Variants in CYP51A1 observed in about 807,000 individuals in gnomAD.
The protein encoded by CYP51A1 is cytochrome P450 family 51 subfamily A member 1, also known as lanosterol 14-alpha demethylase.
CYP51A1 carries 45 observed loss-of-function variants against 53.5 expected under a neutral mutation model. That is an observed-to-expected ratio of 0.84 (90% CI 0.66 to 1.08). CYP51A1 has a LOEUF of 1.08. CYP51A1 is among the 50% of genes least tolerant of loss of function. CYP51A1 has a pLI of 0.00. For missense variants in CYP51A1, 462 were observed against 621.7 expected, an observed-to-expected ratio of 0.74 and a Z score of 2.73; for synonymous variants, 181 against 217.7, an observed-to-expected ratio of 0.83 and a Z score of 1.48.
intron 3 of CYP51A1, 100 bp from the exon 4 acceptor site, chr7:92,127,731 T>C: frequency 8.3e-7 from 1 of 1,199,992 alleles, no homozygotes; most frequent in Non-Finnish European, 1.2e-6. Flanking sequence ...CTAACACAAG[T>C]AATGGTTTTA....
At chr7:92,134,628 C>G, upstream of CYP51A1, 2 of 460,478 alleles carry the variant, frequency 4.3e-6, no homozygotes, top group Non-Finnish European at 7.7e-6. Context: ...GCGGGCTGCG[C>G]CTGTGGCACA....
In CYP51A1 at chr7:92,113,474, A is replaced by G. The variant is rs1173644712; in HGVS notation, c.*191T>C. 1.8e-6 allele frequency: 1 copy of G among 547,084 alleles called. No homozygotes were observed. Among genetic ancestry groups the G allele is most frequent in the Admixed American group, 3.9e-5 (1 of 25,788 alleles). 33.9% of individuals were successfully genotyped at this position (547,084 alleles called of 1,614,324 possible). A position where few individuals can be genotyped will look rare whatever the true frequency, so the allele number is the denominator to read the frequency against. On this transcript the variant is annotated 3_prime_UTR_variant, in exon 10 of 10. Transcript: ENST00000003100. ...CATGTATAAGTATCATAACTATTAG[A>G]AAATGTTTCAAATGCTATTATATTT...
intron 7 of CYP51A1, among the ~76,000 whole-genome samples, chr7:92,120,291 A>G (rs903904471): frequency 6.6e-6 from 1 of 152,228 alleles, no homozygotes; most frequent in Admixed American, 6.5e-5. Flanking sequence ...TAAAGGGACT[A>G]GGAGTAGATA....
In CYP51A1 at chr7:92,113,838, G is replaced by T. The variant is rs1355666477; in HGVS notation, c.1357C>A (p.His453Asn). The T allele has an allele frequency of 6.3e-7, 1 of 1,581,338 alleles. No individual in the cohort carries two copies. The highest frequency in any genetic ancestry group is 8.6e-7 in the Non-Finnish European group (1 of 1,167,726). Residue 453 changes from histidine to asparagine, a missense_variant, in exon 10 of 10, where the codon CAT becomes AAT. By Grantham distance (68) the His-to-Asn change is moderately conservative. Coordinates refer to ENST00000003100, the MANE Select transcript of CYP51A1 (RefSeq NM_000786.4). ...FAYVPFGAGR[H>N]RCIGENFAYV... ...GCAAAATTTTCCCCAATACAACGATGACGCCCTAAAAAAAAGAAAAAGTTA... is the reference window on the plus strand; with the variant it reads ...GCAAAATTTTCCCCAATACAACGATTACGCCCTAAAAAAAAGAAAAAGTTA...
Position 92,123,746 on chromosome 7 carries a change from T to A in CYP51A1, c.878A>T (p.Asp293Val), listed in dbSNP as rs757985174. 1.2e-6 allele frequency: 2 copies of A among 1,607,404 alleles called. No individual in the cohort carries two copies. Among genetic ancestry groups the A allele is most frequent in the Non-Finnish European group, 1.7e-6 (2 of 1,177,894 alleles). Residue 293 changes from aspartate to valine, a missense_variant, in exon 6 of 10, where the codon GAT (aspartate) becomes GTT (valine). Coordinates refer to ENST00000003100, the MANE Select transcript of CYP51A1 (RefSeq NM_000786.4). The part of the protein sequence containing the change: ...KIDDILQTLL[D>V]ATYKDGRPLT... ...GAATAGCTCTTACTTGTATGTAGCATCTAGTAAAGTTTGGAGAATGTCATC... is the reference window on the plus strand; with the variant it reads ...GAATAGCTCTTACTTGTATGTAGCAACTAGTAAAGTTTGGAGAATGTCATC...
At position 92,128,968 on chromosome 7, in the gene CYP51A1, T is replaced by C; in HGVS notation, c.380A>G (p.Lys127Arg). The C allele has an allele frequency of 6.2e-7, 1 of 1,613,742 alleles. No homozygotes were observed. Among genetic ancestry groups the C allele is most frequent in the Non-Finnish European group, 8.5e-7 (1 of 1,179,914 alleles). ...SDAAALLFNS[K>R]NEDLNAEDVY... ...ATCTTCTGCATTCAGGTCTTCATTTTTACTATTAAAAAGCAGTGCAGCAGC... is the reference window on the plus strand; with the variant it reads ...ATCTTCTGCATTCAGGTCTTCATTTCTACTATTAAAAAGCAGTGCAGCAGC... The change falls in exon 3 of 10, where the codon AAA becomes AGA. Residue 127 changes from lysine to arginine, a missense_variant. Coordinates refer to ENST00000003100, the MANE Select transcript of CYP51A1 (RefSeq NM_000786.4).
Position 92,128,958 on chromosome 7 carries a change from G to A in CYP51A1, c.390C>T (p.Asp130=), listed in dbSNP as rs747490076. The A allele has an allele frequency of 3.7e-6, 6 of 1,613,106 alleles. No individual in the cohort carries two copies. In the African/African-American group the frequency reaches 8.0e-5, roughly 22 times the overall value. ...GACTGTAGACATCTTCTGCATTCAG[G>A]TCTTCATTTTTACTATTAAAAAGCA... ...AALLFNSKNE[D]LNAEDVYSRL... is the part of the protein sequence containing the mutation. Residue 130 remains aspartate (D), a synonymous_variant, in exon 3 of 10, where the codon GAC becomes GAT. Transcript: ENST00000003100.
intron 7 of CYP51A1, among the ~76,000 whole-genome samples, chr7:92,121,430 C>T (rs1819691806): frequency 6.6e-6 from 1 of 152,090 alleles, no homozygotes; most frequent in Non-Finnish European, 1.5e-5. Flanking sequence ...TCTGGCAGTT[C>T]TTCAAAGTTA....
At chr7:92,123,640 A>C (rs1026939641) in intron 6 of CYP51A1, 94 bp downstream of exon 6, 4 of 1,229,258 alleles carry the variant, frequency 3.3e-6, no homozygotes, top group Non-Finnish European at 4.5e-6. Flanking sequence ...TTATTTTGCC[A>C]GCATCACTGT....
Position 92,134,195 on chromosome 7 carries a change from A to T in CYP51A1, c.170T>A (p.Leu57Gln). The T allele has an allele frequency of 6.2e-7, 1 of 1,612,336 alleles. No homozygotes were observed. ...TACCACCCCTGCGGGCAGCTGGACC[A>T]GGTGGCCGGCGGCCAGACGGATCAG... ...VYLIRLAAGH[L>Q]VQLPAGVKSP... Residue 57 changes from leucine (L) to glutamine (Q), a missense_variant, in exon 1 of 10, where the codon CTG (leucine) becomes CAG (glutamine). Physicochemically the swap from Leu to Gln is moderately radical, Grantham distance 113. Coordinates refer to ENST00000003100, the MANE Select transcript of CYP51A1 (RefSeq NM_000786.4).
chr7:92,128,439 TGTGTGTGTGTGTGTGTGCGC>T lies in CYP51A1; in HGVS notation c.468+421_468+440del, dbSNP rs1819845923. Among the ~76,000 whole-genome samples the T allele has an allele frequency of 3.4e-5, 5 of 147,944 alleles. No individual in the cohort carries two copies. In the South Asian group the frequency reaches 1.1e-3, roughly 32 times the overall value. ...TGTTTGGTTGGTTTCTGTGTGTGTG[TGTGTGTGTGTGTGTGTGCGC>T]GTGCGTGTGTGTGTGTGTGTTTGGT... On this transcript the variant is annotated intron_variant, in intron 3 of 9. Transcript: ENST00000003100.
intron 7 of CYP51A1, among the ~76,000 whole-genome samples, chr7:92,120,661 AT>A (rs1360605517): frequency 1.3e-5 from 2 of 152,224 alleles, no homozygotes; most frequent in Non-Finnish European, 2.9e-5. Flanking sequence ...GGACAACTGG[AT>A]AAACACATGC....
rs1157146367 is a variant in CYP51A1, at chr7:92,127,562, T to C, written c.538A>G (p.Ile180Val). The C allele has an allele frequency of 4.3e-6, 7 of 1,611,536 alleles. No individual in the cohort carries two copies. Among genetic ancestry groups the C allele is most frequent in the Non-Finnish European group, 5.9e-6 (7 of 1,178,498 alleles). The change falls in exon 4 of 10, where the codon ATA becomes GTA. Residue 180 changes from isoleucine (I) to valine (V), a missense_variant. Ile to Val is a conservative substitution (Grantham distance 29). Coordinates refer to ENST00000003100, the MANE Select transcript of CYP51A1 (RefSeq NM_000786.4). The part of the protein sequence containing the change: ...NIAHFKQHVS[I>V]IEKETKEYFE... Reference sequence around the variant, plus strand: ...TATTCCTTTGTTTCTTTTTCAATTATAGAAACATGCTGTTTAAAGTGGGCT... The same window carrying C: ...TATTCCTTTGTTTCTTTTTCAATTACAGAAACATGCTGTTTAAAGTGGGCT...
At chr7:92,128,095 G>C (rs763836351) in intron 3 of CYP51A1, among the ~76,000 whole-genome samples, 2 of 152,228 alleles carry the variant, frequency 1.3e-5, no homozygotes, top group Non-Finnish European at 1.5e-5. Flanking sequence ...ACGTGAAGTT[G>C]TTGCATTAAA....
Position 92,134,456 on chromosome 7 carries a change from G to C in CYP51A1, c.-92C>G. The C allele has an allele frequency of 3.6e-6, 5 of 1,371,934 alleles. No homozygotes were observed. The highest frequency in any genetic ancestry group is 4.9e-6 in the Non-Finnish European group (5 of 1,026,970). 85.0% of individuals were successfully genotyped at this position (1,371,934 alleles called of 1,614,324 possible). On this transcript the variant is annotated 5_prime_UTR_variant, in exon 1 of 10. Transcript: ENST00000003100. Reference sequence around the variant, plus strand: ...GCTGGCAGATGGTCGTCCACAGGGGGCCTTGCCCCAGGTCTCCTACTAAAC... The same window carrying C: ...GCTGGCAGATGGTCGTCCACAGGGGCCCTTGCCCCAGGTCTCCTACTAAAC...
At chr7:92,117,498 T>C (rs1175390962) in intron 8 of CYP51A1, 2 of 232,438 alleles carry the variant, frequency 8.6e-6, no homozygotes, top group Non-Finnish European at 1.7e-5. Context: ...GGGTTGGAAG[T>C]ACACAGTACA....
chr7:92,131,792 T>C lies in CYP51A1; in HGVS notation c.273A>G (p.Leu91=), dbSNP rs371391266. ...GACTTACCTTCTCATATGCATTTTC[T>C]AGAAATTCAATTGGACTTTTCCCAA... ...IAFGKSPIEF[L]ENAYEKYGPV... Residue 91 remains leucine, a synonymous_variant, in exon 2 of 10, where the codon CTA becomes CTG. Coordinates refer to ENST00000003100, the MANE Select transcript of CYP51A1 (RefSeq NM_000786.4). 9.6e-6 allele frequency: 15 copies of C among 1,561,838 alleles called. No homozygotes were observed. Among genetic ancestry groups the C allele is most frequent in the Non-Finnish European group, 1.3e-5 (15 of 1,142,040 alleles).
chr7:92,125,647 T>C (rs948893995), intron 5 of CYP51A1, among the ~76,000 whole-genome samples: 1 of 152,208 alleles, frequency 6.6e-6, no homozygotes, highest in Non-Finnish European at 1.5e-5. Flanking sequence ...GCTGTATCAC[T>C]TTTAGGTATA....
rs931584577 is a variant in CYP51A1 at position 92,112,486 on chromosome 7, G to C, written c.*1179C>G. ...TTAAAAAGAAAAAAGTTTGTTAACT[G>C]TTTTAATCAATATGAGTAGTAACAA... On this transcript the variant is annotated 3_prime_UTR_variant, in exon 10 of 10. Transcript: ENST00000003100. 1.3e-5 allele frequency: 2 copies of C among 152,166 alleles called. No homozygotes were observed. Among genetic ancestry groups the C allele is most frequent in the African/African-American group, 4.8e-5 (2 of 41,422 alleles). The allele number at this position is 152,166 out of a possible 1,614,324, so 9.4% of individuals were successfully genotyped here.
Sources: allele counts gnomAD v4.1 joint callset (sites outside exome capture counted in the v4.1 genomes callset), GRCh38; gene constraint gnomAD v4.1.1; transcripts MANE v1.5; gene names NCBI Gene and HGNC (gene_info 2026-07-23, HGNC 2026-07-21).